Variants in SUPT20H observed in about 807,000 individuals in gnomAD.
The protein encoded by SUPT20H is SPT20 homolog, SAGA complex component.
Under a neutral mutation model 122.8 loss-of-function variants are expected in SUPT20H, and 82 were observed. The observed-to-expected ratio is 0.67, with a 90% CI of 0.56 to 0.80. The LOEUF (loss-of-function observed/expected upper bound fraction) is 0.80. SUPT20H is among the 30% of genes least tolerant of loss of function. The probability of loss-of-function intolerance (pLI) is 0.00; values close to 1 mark genes in which losing one functional copy is unlikely to be tolerated. For synonymous variants in SUPT20H, 291 were observed against 313.0 expected (o/e 0.93, Z 0.74); for missense variants, 831 against 921.6 (o/e 0.90, Z 1.27).
At position 37,047,497 on chromosome 13, in the gene SUPT20H, A is replaced by G. The variant is rs756229402; in HGVS notation, c.165+38T>C. On this transcript the variant is annotated intron_variant, in intron 5 of 25. Coordinates refer to ENST00000350612, the MANE Select transcript of SUPT20H (RefSeq NM_001014286.3). ...ACTCCTCCAAATTCCTCTCTTCTAC[A>G]TTTCAAAAGCTACAACATAATAAAA... 6 of 1,400,552 alleles carry G rather than the reference A, an allele frequency of 4.3e-6. No individual in the cohort carries two copies. The South Asian group carries it at 8.7e-5, about 20-fold the overall frequency. 86.8% of individuals were successfully genotyped at this position (1,400,552 alleles called of 1,614,324 possible).
intron 7 of SUPT20H, 51 bp downstream of exon 7, chr13:37,044,027 T>C (rs773611356): frequency 2.6e-6 from 3 of 1,145,072 alleles, no homozygotes; most frequent in Admixed American, 3.8e-5. Flanking sequence ...CATATATATA[T>C]CATATACATA....
At chr13:37,024,619 G>A (rs981552175) in intron 17 of SUPT20H, 177 bp from the exon 18 acceptor site, 7 of 391,684 alleles carry the variant, frequency 1.8e-5, no homozygotes, top group Non-Finnish European at 3.1e-5. Context: ...ATGTATTACA[G>A]AGAAAATTTC....
chr13:37,021,373 T>C, intron 21 of SUPT20H, 75 bp downstream of exon 21: 15 of 1,397,680 alleles, frequency 1.1e-5, no homozygotes, highest in Non-Finnish European at 1.4e-5. Context: ...CCTTTAGCAT[T>C]ACTCTTAAAA....
intron 9 of SUPT20H, 86 bp from the exon 10 acceptor site, chr13:37,033,674 C>T: frequency 3.5e-6 from 5 of 1,417,266 alleles, no homozygotes; most frequent in Non-Finnish European, 4.8e-6. Context: ...AGAAATATTC[C>T]CTGGAATTCT....
At position 37,051,504 on chromosome 13, in the gene SUPT20H, A is replaced by G; in HGVS notation, c.-14T>C. On this transcript the variant is annotated 5_prime_UTR_variant, in exon 2 of 26. Transcript: ENST00000350612. The stretch of plus-strand genomic sequence containing the variant: ...GAAGCTTACCATTATGGCATAAAAT[A>G]AGGGTCCAAAAGAAGAGATAACTTA... 6.2e-7 allele frequency: 1 copy of G among 1,611,708 alleles called. No homozygotes were observed. The highest frequency in any genetic ancestry group is 1.3e-5 in the African/African-American group (1 of 74,984).
At chr13:37,015,515 C>A (rs1245174490) in intron 23 of SUPT20H, among the ~76,000 whole-genome samples, 1 of 151,304 alleles carries the variant, frequency 6.6e-6, no homozygotes, top group Non-Finnish European at 1.5e-5. Flanking sequence ...AAAGACCCAA[C>A]CACCACCAGA....
intron 12 of SUPT20H, among the ~76,000 whole-genome samples, chr13:37,030,118 CTGATA>C (rs2063037902): frequency 6.6e-6 from 1 of 152,134 alleles, no homozygotes; most frequent in South Asian, 2.1e-4. Context: ...TGTCCATAAG[CTGATA>C]TGTTTTTCCT....
chr13:37,045,326 C>G lies in SUPT20H; in HGVS notation c.213G>C (p.Glu71Asp). The G allele has an allele frequency of 6.2e-7, 1 of 1,613,690 alleles. No homozygotes were observed. The highest frequency in any genetic ancestry group is 8.5e-7 in the Non-Finnish European group (1 of 1,179,760). ...GATTGACCACTAAACATGACAAAGTCTCTTGCATAACAAGCTTCTCTAACA... is the reference window on the plus strand; with the variant it reads ...GATTGACCACTAAACATGACAAAGTGTCTTGCATAACAAGCTTCTCTAACA... ...VNLLEKLVMQ[E>D]TLSCLVVNLY... The change falls in exon 6 of 26, where the codon GAG (glutamate) becomes GAC (aspartate). Residue 71 changes from glutamate (E) to aspartate (D), a missense_variant. By Grantham distance (45) the Glu-to-Asp change is conservative (BLOSUM62 2). Transcript: ENST00000350612.
At chr13:37,037,308 G>T (rs1360450186) in intron 9 of SUPT20H, among the ~76,000 whole-genome samples, 2 of 152,166 alleles carry the variant, frequency 1.3e-5, no homozygotes, top group Non-Finnish European at 2.9e-5. Flanking sequence ...AAGGGCCACT[G>T]CCCCTAACCT....
intron 23 of SUPT20H, among the ~76,000 whole-genome samples, chr13:37,015,947 C>T (rs1000417556): frequency 6.6e-6 from 1 of 152,120 alleles, no homozygotes; most frequent in East Asian, 1.9e-4. Context: ...TATATAACTG[C>T]ACTTATATGA....
intron 9 of SUPT20H, among the ~76,000 whole-genome samples, chr13:37,036,628 T>C (rs1372059502): frequency 6.6e-6 from 1 of 151,978 alleles, no homozygotes; most frequent in Non-Finnish European, 1.5e-5. Context: ...CTAGGAGATT[T>C]TTTTCAATAC....
intron 19 of SUPT20H, 117 bp downstream of exon 19, chr13:37,023,917 AT>A: frequency 9.9e-7 from 1 of 1,005,406 alleles, no homozygotes; most frequent in South Asian, 2.0e-5. Flanking sequence ...CAACTTATAC[AT>A]TTTGGGTACA....
chr13:37,022,991 CA>C lies in SUPT20H; in HGVS notation c.1592-912del. On this transcript the variant is annotated intron_variant, in intron 19 of 25. Coordinates refer to ENST00000350612, the MANE Select transcript of SUPT20H (RefSeq NM_001014286.3). This position sits in a 1 kb window ranked among gnomAD's most constrained non-coding sequence, Gnocchi z 4.5. Reference sequence around the variant, plus strand: ...AAAAACAAAAACAAAAAACAAAAACCAAAAAAGTAAAACCAAAAGCTCTTGA... The same window carrying C: ...AAAAACAAAAACAAAAAACAAAAACCAAAAAGTAAAACCAAAAGCTCTTGA... 1 of 1,260,672 alleles carries C rather than the reference CA, an allele frequency of 7.9e-7. No individual in the cohort carries two copies. Among genetic ancestry groups the C allele is most frequent in the Non-Finnish European group, 1.0e-6 (1 of 977,802 alleles). The allele number at this position is 1,260,672 out of a possible 1,614,324, so 78.1% of individuals were successfully genotyped here.
At chr13:37,009,916 C>A in intron 25 of SUPT20H, 107 bp from the exon 26 acceptor site, 1 of 1,454,094 alleles carries the variant, frequency 6.9e-7, no homozygotes, top group South Asian at 1.4e-5. Flanking sequence ...GAGAAAGCAC[C>A]AAGATAACAA....
chr13:37,050,433 C>T (rs905046496), intron 2 of SUPT20H, among the ~76,000 whole-genome samples: 1 of 151,904 alleles, frequency 6.6e-6, no homozygotes, highest in Non-Finnish European at 1.5e-5. Flanking sequence ...TTCCTGACTC[C>T]CATTTTCCCT....
At chr13:37,042,842 G>T (rs528149719) in intron 7 of SUPT20H, among the ~76,000 whole-genome samples, 1 of 152,148 alleles carries the variant, frequency 6.6e-6, no homozygotes, top group East Asian at 1.9e-4. Flanking sequence ...GTCAAGGGAG[G>T]ATTTTTTTAA....
intron 2 of SUPT20H, among the ~76,000 whole-genome samples, chr13:37,050,224 T>G (rs1482540490): frequency 6.6e-6 from 1 of 151,912 alleles, no homozygotes; most frequent in East Asian, 1.9e-4. Flanking sequence ...CTAATTTGCT[T>G]TGTTAAAAAA....
rs764275231 is a variant in SUPT20H at position 37,009,735 on chromosome 13, C to G, written c.2277G>C (p.Arg759=). Residue 759 remains arginine, a synonymous_variant, in exon 26 of 26, where the codon CGG becomes CGC. Transcript: ENST00000350612. ...AAQTAQLHHH[R]HTGSQSKSKM... The stretch of plus-strand genomic sequence containing the variant: ...TACTTTTTGACTGGCTGCCTGTATG[C>G]CGATGATGATGTAGCTGAGCTGTTT... 1.2e-6 allele frequency: 2 copies of G among 1,613,952 alleles called. No homozygotes were observed. The highest frequency in any genetic ancestry group is 1.7e-6 in the Non-Finnish European group (2 of 1,179,952).
At chr13:37,057,758 C>T (rs1431905298) in intron 1 of SUPT20H, among the ~76,000 whole-genome samples, 1 of 151,970 alleles carries the variant, frequency 6.6e-6, no homozygotes, top group Non-Finnish European at 1.5e-5. Context: ...TGGATTGCTT[C>T]AGCCCTGGAG....
Sources: gnomAD v4.1 joint callset for allele counts (sites outside exome capture counted in the v4.1 genomes callset) on GRCh38, gnomAD v4.1.1 for gene constraint, Gnocchi (gnomAD v3.1) non-coding constraint, MANE v1.5 for transcripts, NCBI Gene and HGNC (gene_info 2026-07-23, HGNC 2026-07-21) for gene names.